ST6GALNAC5: variants seen among roughly 807,000 people sequenced by gnomAD.
The protein encoded by ST6GALNAC5 is ST6 N-acetylgalactosaminide alpha-2,6-sialyltransferase 5.
A neutral mutation model predicts 33.6 loss-of-function variants in ST6GALNAC5; 27 were observed. That is an observed-to-expected ratio of 0.80 (90% CI 0.59 to 1.11). The LOEUF (loss-of-function observed/expected upper bound fraction) is 1.11, where lower values mean the gene tolerates loss of function less well. Ranked by LOEUF, ST6GALNAC5 falls within the 50% of genes least tolerant of loss-of-function variation. The pLI is 0.00. For missense variants in ST6GALNAC5, 428 were observed against 454.0 expected (o/e 0.94, Z 0.52); for synonymous variants, 194 against 171.2 (o/e 1.13, Z -1.04).
Position 76,994,831 on chromosome 1 carries a change from C to T in ST6GALNAC5, c.262-49373C>T, listed in dbSNP as rs145745551. On this transcript the variant is annotated intron_variant, in intron 2 of 4. Transcript: ENST00000477717. ...AAACTCTAGAGGAGATTATTAGAAA[C>T]GTAGTATCTGCCCCTGTAGAATTAT... 3.2e-3 allele frequency among the ~76,000 whole-genome samples: 483 copies of T among 152,236 alleles called. 2 individuals are homozygous for T. Among genetic ancestry groups the T allele is most frequent in the African/African-American group, 0.01 (436 of 41,526 alleles).
intron 2 of ST6GALNAC5, among the ~76,000 whole-genome samples, chr1:76,917,870 G>A (rs1386767943): frequency 6.6e-6 from 1 of 152,018 alleles, no homozygotes; most frequent in Non-Finnish European, 1.5e-5. Flanking sequence ...CCATGTCCCA[G>A]CTCAACAGTC....
chr1:77,044,158 T>C, intron 2 of ST6GALNAC5, 46 bp from the exon 3 acceptor site: 1 of 1,548,540 alleles, frequency 6.5e-7, no homozygotes, highest in Non-Finnish European at 8.7e-7. Context: ...TGAGTGAGGG[T>C]TAAGCCCTTT....
At chr1:76,882,150 A>C (rs1172715320) in intron 2 of ST6GALNAC5, among the ~76,000 whole-genome samples, 1 of 152,214 alleles carries the variant, frequency 6.6e-6, no homozygotes, top group African/African-American at 2.4e-5. Flanking sequence ...AGTTAAAAAG[A>C]GTCTTCCACC....
At chr1:76,931,443 A>G (rs1647139914) in intron 2 of ST6GALNAC5, among the ~76,000 whole-genome samples, 1 of 152,118 alleles carries the variant, frequency 6.6e-6, no homozygotes, top group South Asian at 2.1e-4. Context: ...TTACTTTCCC[A>G]AATTTAACCT....
intron 2 of ST6GALNAC5, among the ~76,000 whole-genome samples, chr1:76,877,448 G>A (rs1357218363): frequency 6.6e-6 from 1 of 152,188 alleles, no homozygotes; most frequent in Non-Finnish European, 1.5e-5. Context: ...AATGAGGAAT[G>A]TGTTGCCTCC....
intron 2 of ST6GALNAC5, among the ~76,000 whole-genome samples, chr1:77,011,773 G>A (rs114320397): frequency 1.3e-5 from 2 of 151,756 alleles, no homozygotes; most frequent in South Asian, 2.1e-4. Flanking sequence ...TTGTTCTATT[G>A]TAATACAATA....
chr1:76,946,031 T>C (rs1293047388), intron 2 of ST6GALNAC5, among the ~76,000 whole-genome samples: 2 of 152,120 alleles, frequency 1.3e-5, no homozygotes, highest in Non-Finnish European at 1.5e-5. Flanking sequence ...TTGATTTGCA[T>C]TTAAATGAGT....
chr1:76,879,400 T>A (rs1653725674), intron 2 of ST6GALNAC5, among the ~76,000 whole-genome samples: 1 of 152,230 alleles, frequency 6.6e-6, no homozygotes, highest in Non-Finnish European at 1.5e-5. Context: ...AACTCTATGT[T>A]CCTTCCACCA....
chr1:76,916,084 A>G (rs1156777890), intron 2 of ST6GALNAC5, among the ~76,000 whole-genome samples: 1 of 152,104 alleles, frequency 6.6e-6, no homozygotes, highest in East Asian at 1.9e-4. Flanking sequence ...TGTAGTTCAT[A>G]GTTTTTAGGA....
intron 2 of ST6GALNAC5, among the ~76,000 whole-genome samples, chr1:76,961,247 A>T (rs1056707573): frequency 6.6e-6 from 1 of 152,118 alleles, no homozygotes; most frequent in Non-Finnish European, 1.5e-5. Flanking sequence ...GTTGCCCATA[A>T]AGCACTTTTG....
intron 2 of ST6GALNAC5, among the ~76,000 whole-genome samples, chr1:77,023,970 G>A (rs148670230): frequency 1.1e-4 from 17 of 152,228 alleles, no homozygotes; most frequent in Middle Eastern, 3.4e-3. Context: ...TATATCTACT[G>A]GAGAATATAC....
rs74806545 is a variant in ST6GALNAC5, at chr1:76,964,477, G to C, written c.262-79727G>C. 3.6e-3 allele frequency among the ~76,000 whole-genome samples: 551 copies of C among 152,194 alleles called. 3 individuals are homozygous for C. Among genetic ancestry groups the C allele is most frequent in the African/African-American group, 0.013 (528 of 41,546 alleles). On this transcript the variant is annotated intron_variant, in intron 2 of 4. Transcript: ENST00000477717. ...TACTTTCTCTCTCATGGGCCCCGAAGTTCCCCCTCAGAGATAAAGTTTCTG... is the reference window on the plus strand; with the variant it reads ...TACTTTCTCTCTCATGGGCCCCGAACTTCCCCCTCAGAGATAAAGTTTCTG...
At position 77,065,688 on chromosome 1, in the gene ST6GALNAC5, T is replaced by G. The variant is rs1349576716; in HGVS notation, c.*2482T>G. 6.6e-6 allele frequency: 1 copy of G among 152,214 alleles called. No individual in the cohort carries two copies. The highest frequency in any genetic ancestry group is 1.5e-5 in the Non-Finnish European group (1 of 68,048). 9.4% of individuals were successfully genotyped at this position (152,214 alleles called of 1,614,324 possible). A position where few individuals can be genotyped will look rare whatever the true frequency, so the allele number is the denominator to read the frequency against. On this transcript the variant is annotated 3_prime_UTR_variant, in exon 5 of 5. Coordinates refer to ENST00000477717, the MANE Select transcript of ST6GALNAC5 (RefSeq NM_030965.3). ...GTCGTCTGAACACTATTCAACACCA[T>G]TAAATATAAACTCTGATATAAAAGA...
At chr1:77,029,132 T>C (rs1223649467) in intron 2 of ST6GALNAC5, among the ~76,000 whole-genome samples, 1 of 152,078 alleles carries the variant, frequency 6.6e-6, no homozygotes, top group Non-Finnish European at 1.5e-5. Flanking sequence ...TTACAGAAGA[T>C]CATTACGTTG....
chr1:76,903,240 G>C (rs959363926), intron 2 of ST6GALNAC5, among the ~76,000 whole-genome samples: 1 of 152,008 alleles, frequency 6.6e-6, no homozygotes, highest in Non-Finnish European at 1.5e-5. Context: ...CTCAATAGAC[G>C]TATCTCCATA....
intron 2 of ST6GALNAC5, among the ~76,000 whole-genome samples, chr1:76,872,436 A>G (rs1270875984): frequency 6.6e-6 from 1 of 152,144 alleles, no homozygotes; most frequent in Non-Finnish European, 1.5e-5. Context: ...TGGATTTTAC[A>G]CATACCAATA....
rs1652783211 is a variant in ST6GALNAC5 at position 77,066,468 on chromosome 1, A to G, written c.*3262A>G. On this transcript the variant is annotated 3_prime_UTR_variant, in exon 5 of 5. Coordinates refer to ENST00000477717, the MANE Select transcript of ST6GALNAC5 (RefSeq NM_030965.3). The stretch of plus-strand genomic sequence containing the variant: ...CTCCCCTCAAAAATTAAAATTACCG[A>G]CTTAGAAGATGATAAATGCTAAGTA... 6.6e-6 allele frequency among the ~76,000 whole-genome samples: 1 copy of G among 152,214 alleles called. No individual in the cohort carries two copies. Among genetic ancestry groups the G allele is most frequent in the Admixed American group, 6.5e-5 (1 of 15,284 alleles).
intron 2 of ST6GALNAC5, among the ~76,000 whole-genome samples, chr1:76,877,840 C>G (rs1307040922): frequency 6.6e-6 from 1 of 152,216 alleles, no homozygotes; most frequent in Non-Finnish European, 1.5e-5. Context: ...AAGGTATATT[C>G]CTGGCCTTGC....
chr1:76,870,299 G>A (rs1653470786), intron 2 of ST6GALNAC5, among the ~76,000 whole-genome samples: 1 of 152,130 alleles, frequency 6.6e-6, no homozygotes, highest in South Asian at 2.1e-4. Flanking sequence ...TGTGTAACTG[G>A]TGTATGATGG....
Sources: gnomAD v4.1 joint callset for allele counts (sites outside exome capture counted in the v4.1 genomes callset) on GRCh38, gnomAD v4.1.1 for gene constraint, MANE v1.5 for transcripts, NCBI Gene and HGNC (gene_info 2026-07-23, HGNC 2026-07-21) for gene names.